Variants in AUH observed in about 807,000 individuals in gnomAD.
AUH encodes the protein AU RNA binding methylglutaconyl-CoA hydratase, also known as methylglutaconyl-CoA hydratase, mitochondrial.
A neutral mutation model predicts 42.3 loss-of-function variants in AUH; 29 were observed. The observed-to-expected ratio is 0.69, with a 90% CI of 0.51 to 0.93. AUH has a LOEUF of 0.93. AUH is among the 40% of genes least tolerant of loss of function. The pLI is 0.00. For synonymous variants in AUH, 174 were observed against 166.4 expected (o/e 1.05, Z -0.35); for missense variants, 452 against 438.1 (o/e 1.03, Z -0.28).
chr9:91,304,049 T>C (rs1006047861), intron 4 of AUH, among the ~76,000 whole-genome samples: 1 of 152,038 alleles, frequency 6.6e-6, no homozygotes, highest in African/African-American at 2.4e-5. Flanking sequence ...GGAACACATA[T>C]CCAAAAGCCA....
At chr9:91,308,571 C>T (rs763376417) in intron 4 of AUH, among the ~76,000 whole-genome samples, 2 of 152,020 alleles carry the variant, frequency 1.3e-5, no homozygotes, top group African/African-American at 4.8e-5. Flanking sequence ...CACCATAATT[C>T]GGCACTTCAA....
At chr9:91,326,545 T>G (rs547036107) in intron 3 of AUH, among the ~76,000 whole-genome samples, 24 of 151,998 alleles carry the variant, frequency 1.6e-4, no homozygotes, top group Non-Finnish European at 2.5e-4. Flanking sequence ...TACAGATAAA[T>G]CCAATGAATA....
At chr9:91,274,759 T>C (rs573836094) in intron 6 of AUH, among the ~76,000 whole-genome samples, 1 of 152,270 alleles carries the variant, frequency 6.6e-6, no homozygotes, top group South Asian at 2.1e-4. Context: ...CAGTCAAATA[T>C]ATAAAATTAA....
intron 6 of AUH, among the ~76,000 whole-genome samples, chr9:91,253,902 A>G (rs1341204690): frequency 6.6e-6 from 1 of 152,260 alleles, no homozygotes; most frequent in Admixed American, 6.5e-5. Flanking sequence ...AGCACAATTT[A>G]AGGAGACAAG....
At chr9:91,287,696 T>C (rs1826526823) in intron 6 of AUH, among the ~76,000 whole-genome samples, 1 of 151,954 alleles carries the variant, frequency 6.6e-6, no homozygotes, top group Non-Finnish European at 1.5e-5. Context: ...AAACTACAGA[T>C]TTAACCAAAT....
chr9:91,303,479 C>T (rs1827967950), intron 4 of AUH, among the ~76,000 whole-genome samples: 1 of 152,026 alleles, frequency 6.6e-6, no homozygotes, highest in South Asian at 2.1e-4. Context: ...TACTGGTGCC[C>T]GCCACTACGC....
intron 1 of AUH, among the ~76,000 whole-genome samples, chr9:91,358,943 A>T (rs1832644177): frequency 6.6e-6 from 1 of 152,176 alleles, no homozygotes; most frequent in East Asian, 1.9e-4. Flanking sequence ...TTTTTTTATA[A>T]CTGTCTCACT....
chr9:91,361,828 C>T lies in AUH; in HGVS notation c.62G>A (p.Arg21His). ...CCACGCACTGCAAGCGGCCACCAGG[C>T]GGGCGCCGCCAGCATGCAGGGATCC... is the stretch of plus-strand genomic sequence containing the variant. ...ALGSLHAGGA[R>H]LVAACSAWLC... Residue 21 changes from arginine (R) to histidine (H), a missense_variant, in exon 1 of 10, where the codon CGC (arginine) becomes CAC (histidine). By Grantham distance (29) the Arg-to-His change is conservative (BLOSUM62 0). Transcript: ENST00000375731. 1.3e-6 allele frequency: 2 copies of T among 1,503,124 alleles called. No individual in the cohort carries two copies. The highest frequency in any genetic ancestry group is 1.8e-6 in the Non-Finnish European group (2 of 1,131,488). The allele number at this position is 1,503,124 out of a possible 1,614,324, so 93.1% of individuals were successfully genotyped here. A position where few individuals can be genotyped will look rare whatever the true frequency, so the allele number is the denominator to read the frequency against.
intron 6 of AUH, among the ~76,000 whole-genome samples, chr9:91,288,893 ATTATT>A (rs1317804865): frequency 6.6e-6 from 1 of 152,210 alleles, no homozygotes; most frequent in Non-Finnish European, 1.5e-5. Flanking sequence ...CTTCAAAGTC[ATTATT>A]TTATAATAGC....
intron 4 of AUH, among the ~76,000 whole-genome samples, chr9:91,310,692 C>G (rs1482459620): frequency 2.0e-5 from 3 of 152,186 alleles, no homozygotes; most frequent in Non-Finnish European, 4.4e-5. Context: ...CTGAGCAGAT[C>G]TTGTGACCTC....
chr9:91,347,475 G>T (rs556427521), intron 3 of AUH, among the ~76,000 whole-genome samples: 8 of 152,064 alleles, frequency 5.3e-5, no homozygotes, highest in Non-Finnish European at 7.4e-5. Context: ...TTCCCCTCTG[G>T]GGGGAGAGGG....
chr9:91,257,539 A>G (rs1202007916), intron 6 of AUH, among the ~76,000 whole-genome samples: 12 of 152,196 alleles, frequency 7.9e-5, no homozygotes, highest in Non-Finnish European at 5.9e-5. Context: ...CACTCCCTTG[A>G]AAGTGGAGGA....
At chr9:91,339,883 C>G (rs984848848) in intron 3 of AUH, among the ~76,000 whole-genome samples, 1 of 152,118 alleles carries the variant, frequency 6.6e-6, no homozygotes, top group Non-Finnish European at 1.5e-5. Context: ...CAGGGGTACC[C>G]CAACAAAGCA....
At chr9:91,301,437 A>G (rs1057298226) in intron 4 of AUH, among the ~76,000 whole-genome samples, 1 of 152,188 alleles carries the variant, frequency 6.6e-6, no homozygotes, top group Non-Finnish European at 1.5e-5. Flanking sequence ...AGGTACAGTG[A>G]CTCATGCCTG....
chr9:91,289,180 C>T (rs950849251), intron 6 of AUH, among the ~76,000 whole-genome samples: 1 of 152,086 alleles, frequency 6.6e-6, no homozygotes, highest in Admixed American at 6.6e-5. Context: ...AAATCATGGA[C>T]CTGTAATAAC....
chr9:91,316,915 G>A (rs1334010240), intron 4 of AUH, among the ~76,000 whole-genome samples: 2 of 152,050 alleles, frequency 1.3e-5, no homozygotes, highest in African/African-American at 4.8e-5. Flanking sequence ...TCTTTTATGT[G>A]TCATATTTTA....
rs759413489 is a variant in AUH at position 91,227,460 on chromosome 9, A to G, written c.656-6468T>C. Among the ~76,000 whole-genome samples the G allele has an allele frequency of 1.0e-2, 1,257 of 126,042 alleles. 9 individuals carry two copies. The highest frequency in any genetic ancestry group is 0.017 in the Non-Finnish European group (987 of 58,340). The allele number at this position is 126,042 out of a possible 152,430, so 82.7% of individuals were successfully genotyped here. A position where few individuals can be genotyped will look rare whatever the true frequency, so the allele number is the denominator to read the frequency against. ...GCTTAAGGAGATTTTGGGCTGAGACAATGGGGTTTTCTAGATATACAATCA... is the reference window on the plus strand; with the variant it reads ...GCTTAAGGAGATTTTGGGCTGAGACGATGGGGTTTTCTAGATATACAATCA... On this transcript the variant is annotated intron_variant, in intron 6 of 9. Transcript: ENST00000375731.
At chr9:91,301,624 T>C in intron 4 of AUH, among the ~76,000 whole-genome samples, 1 of 152,190 alleles carries the variant, frequency 6.6e-6, no homozygotes, top group East Asian at 1.9e-4. Flanking sequence ...ATTCCAGGGC[T>C]TGTTTCCTTT....
intron 6 of AUH, among the ~76,000 whole-genome samples, chr9:91,225,109 C>G (rs1827362186): frequency 6.6e-6 from 1 of 152,172 alleles, no homozygotes; most frequent in Non-Finnish European, 1.5e-5. Flanking sequence ...CACGCATTTT[C>G]TATAATTAAA....
Sources: allele counts gnomAD v4.1 joint callset (sites outside exome capture counted in the v4.1 genomes callset), GRCh38; gene constraint gnomAD v4.1.1; transcripts MANE v1.5; gene names NCBI Gene and HGNC (gene_info 2026-07-23, HGNC 2026-07-21).